The following UBP1 variants were observed in gnomAD, a reference collection of about 807,000 sequenced individuals.
UBP1 encodes upstream binding protein 1.
Under a neutral mutation model 76.1 loss-of-function variants are expected in UBP1, and 22 were observed. That is an observed-to-expected ratio of 0.29 (90% confidence interval 0.21 to 0.41). The LOEUF (loss-of-function observed/expected upper bound fraction) is 0.41. Ranked by LOEUF, UBP1 falls within the 10% of genes least tolerant of loss-of-function variation. UBP1 has a pLI of 1.00. For synonymous variants in UBP1, 224 were observed against 237.1 expected (o/e 0.94, Z 0.51); for missense variants, 436 against 668.1 (o/e 0.65, Z 3.83).
Position 33,411,601 on chromosome 3 carries a change from G to C in UBP1, c.535C>G (p.Arg179Gly). The C allele has an allele frequency of 6.2e-7, 1 of 1,614,056 alleles. No homozygotes were observed. The highest frequency in any genetic ancestry group is 8.5e-7 in the Non-Finnish European group (1 of 1,179,978). Residue 179 changes from arginine (R) to glycine (G), a missense_variant, in exon 5 of 16, where the codon CGC (arginine) becomes GGC (glycine). This residue lies in a region of UBP1 where 161 missense variants were observed against 237.9 expected (regional missense o/e 0.68). Coordinates refer to ENST00000283629, the MANE Select transcript of UBP1 (RefSeq NM_014517.5). ...AVEFLWDPAK[R>G]TSAFIQVHCI... ...CAAACCTGAATGAAAGCAGAGGTGC[G>C]TTTTGCTGGGTCCCACAGAAATTCA...
At chr3:33,403,083 C>G (rs931265272) in intron 8 of UBP1, among the ~76,000 whole-genome samples, 179 bp from the exon 9 acceptor site, 2 of 152,182 alleles carry the variant, frequency 1.3e-5, no homozygotes, top group African/African-American at 4.8e-5. Flanking sequence ...AAAGTTTTAC[C>G]TGCTGTGTGC....
intron 8 of UBP1, among the ~76,000 whole-genome samples, chr3:33,404,374 T>C (rs2044357381): frequency 6.6e-6 from 1 of 152,062 alleles, no homozygotes; most frequent in African/African-American, 2.4e-5. Context: ...ATCGTGCCAT[T>C]GTACTCCAGC....
At chr3:33,413,878 G>C (rs890753508) in intron 3 of UBP1, among the ~76,000 whole-genome samples, 2 of 152,204 alleles carry the variant, frequency 1.3e-5, no homozygotes, top group African/African-American at 4.8e-5. Flanking sequence ...GCATAGGCTA[G>C]TGGTGGCCCC....
chr3:33,390,201 G>C lies in UBP1; in HGVS notation c.*130C>G. The C allele has an allele frequency of 1.1e-6, 1 of 894,062 alleles. No individual in the cohort carries two copies. The highest frequency in any genetic ancestry group is 1.7e-5 in the South Asian group (1 of 58,094). The allele number at this position is 894,062 out of a possible 1,614,324, so 55.4% of individuals were successfully genotyped here. On this transcript the variant is annotated 3_prime_UTR_variant, in exon 16 of 16. Coordinates refer to ENST00000283629, the MANE Select transcript of UBP1 (RefSeq NM_014517.5). ...ACCTCTCATACAGCTCATTAGAAAGGTCATCTTGTGTTTTCAATATGAAAC... is the reference window on the plus strand; with the variant it reads ...ACCTCTCATACAGCTCATTAGAAAGCTCATCTTGTGTTTTCAATATGAAAC...
chr3:33,420,446 C>T (rs756302150), intron 2 of UBP1, among the ~76,000 whole-genome samples: 2 of 151,604 alleles, frequency 1.3e-5, no homozygotes, highest in Non-Finnish European at 2.9e-5. Context: ...ATGCCTCAGC[C>T]TCCCAAGTAG....
In UBP1 at chr3:33,409,296, C is replaced by CT; in HGVS notation, c.758dup (p.Arg254GlufsTer5). The CT allele has an allele frequency of 6.2e-7, 1 of 1,614,120 alleles. No individual in the cohort carries two copies. Among genetic ancestry groups the CT allele is most frequent in the Non-Finnish European group, 8.5e-7 (1 of 1,180,002 alleles). On this transcript the variant is annotated frameshift_variant, in exon 7 of 16. Coordinates refer to ENST00000283629, the MANE Select transcript of UBP1 (RefSeq NM_014517.5). LOFTEE classifies it high-confidence loss of function. ...ACTTTTCTTTTTCATGAGCTGTTCT[C>CT]TTCTCCATCTTCTCTCGGTCAGTTT...
intron 7 of UBP1, 36 bp downstream of exon 7, chr3:33,409,200 G>A: frequency 6.3e-7 from 1 of 1,596,354 alleles, no homozygotes; most frequent in Non-Finnish European, 8.6e-7. Context: ...TGCAACCTTT[G>A]CTTCTCTTCC....
At chr3:33,407,629 T>C (rs1048611457) in intron 8 of UBP1, among the ~76,000 whole-genome samples, 3 of 152,146 alleles carry the variant, frequency 2.0e-5, no homozygotes, top group Non-Finnish European at 2.9e-5. Context: ...TTCAGTTTCA[T>C]TGCATAGAGA....
chr3:33,396,879 C>A (rs1223305547), intron 12 of UBP1, 166 bp downstream of exon 12: 1 of 717,454 alleles, frequency 1.4e-6, no homozygotes. Flanking sequence ...TGGGCCTGCC[C>A]TGAAGGTGTA....
chr3:33,426,593 T>C (rs997695669), intron 1 of UBP1, among the ~76,000 whole-genome samples: 3 of 152,188 alleles, frequency 2.0e-5, no homozygotes, highest in African/African-American at 7.2e-5. Flanking sequence ...CACCATACTA[T>C]CCCAGACCCA....
intron 8 of UBP1, chr3:33,403,199 T>G: frequency 3.3e-6 from 1 of 300,832 alleles, no homozygotes; most frequent in East Asian, 1.2e-4. Context: ...TTGAAGAGCT[T>G]TCTCCTCCCT....
chr3:33,420,547 G>A (rs1411087512), intron 2 of UBP1, among the ~76,000 whole-genome samples: 2 of 148,282 alleles, frequency 1.3e-5, no homozygotes, highest in Non-Finnish European at 3.0e-5. Flanking sequence ...GGAGTGCAGT[G>A]GCACAATCTT....
chr3:33,439,301 A>T (rs2045249683), intron 1 of UBP1, among the ~76,000 whole-genome samples: 1 of 152,252 alleles, frequency 6.6e-6, no homozygotes, highest in Admixed American at 6.5e-5. Flanking sequence ...GCCAGAAAAG[A>T]TCATAATGTA....
rs145462970 is a variant in UBP1 at position 33,411,793 on chromosome 3, CTCTG to C, written c.449-110_449-107del. 5.5e-4 allele frequency: 487 copies of C among 877,850 alleles called. 1 individual carries two copies. The African/African-American group carries it at 6.0e-3, about 11-fold the overall frequency. The allele number at this position is 877,850 out of a possible 1,614,324, so 54.4% of individuals were successfully genotyped here. On this transcript the variant is annotated intron_variant, in intron 4 of 15. Transcript: ENST00000283629. Reference sequence around the variant, plus strand: ...ATGAAATAACTGTAACTGCTTTGAACTCTGTCTTTCAATGGTCTCCATGATCAAC... The same window carrying C: ...ATGAAATAACTGTAACTGCTTTGAACTCTTTCAATGGTCTCCATGATCAAC...
chr3:33,393,241 C>A, intron 14 of UBP1, 71 bp downstream of exon 14: 1 of 1,417,000 alleles, frequency 7.1e-7, no homozygotes, highest in Non-Finnish European at 9.4e-7. Flanking sequence ...CAGAATTTTT[C>A]TACAGTTCTA....
intron 1 of UBP1, 44 bp from the exon 2 acceptor site, chr3:33,425,785 A>G (rs1156609707): frequency 1.9e-6 from 3 of 1,543,040 alleles, no homozygotes; most frequent in Non-Finnish European, 2.7e-6. Context: ...TGGGTTTGAA[A>G]TATTTGTCTA....
chr3:33,412,652 A>C, intron 4 of UBP1, 70 bp downstream of exon 4: 1 of 1,037,104 alleles, frequency 9.6e-7, no homozygotes, highest in Non-Finnish European at 1.5e-6. Flanking sequence ...TCATGATGCC[A>C]ACACAACACA....
intron 9 of UBP1, 94 bp from the exon 10 acceptor site, chr3:33,401,110 A>C: frequency 8.4e-7 from 1 of 1,194,020 alleles, no homozygotes; most frequent in Non-Finnish European, 1.2e-6. Context: ...TAACTATGCA[A>C]ATTTCAAGTA....
chr3:33,418,819 G>A (rs774998198), intron 2 of UBP1, among the ~76,000 whole-genome samples: 37 of 139,064 alleles, frequency 2.7e-4, no homozygotes, highest in Non-Finnish European at 4.7e-4. Flanking sequence ...AGATTGCACC[G>A]CTGCACTACA....
Sources: allele counts gnomAD v4.1 joint callset (sites outside exome capture counted in the v4.1 genomes callset), GRCh38; gene constraint gnomAD v4.1.1; regional missense constraint gnomAD v4.1.1; transcripts MANE v1.5; gene names NCBI Gene and HGNC (gene_info 2026-07-23, HGNC 2026-07-21).